KCNMB2: variants seen among roughly 807,000 people sequenced by gnomAD.
KCNMB2 encodes the protein potassium calcium-activated channel subfamily M regulatory beta subunit 2, also known as calcium-activated potassium channel subunit beta-2.
A neutral mutation model predicts 24.5 loss-of-function variants in KCNMB2; 9 were observed. The observed-to-expected ratio is 0.37, with a 90% CI of 0.22 to 0.64. KCNMB2 has a LOEUF of 0.64. Among genes scored for constraint, KCNMB2 ranks in the 30% least tolerant of loss-of-function variants. KCNMB2 has a pLI of 0.63. For synonymous variants in KCNMB2, 109 were observed against 104.4 expected (o/e 1.04, Z -0.27); for missense variants, 226 against 284.3 (o/e 0.79, Z 1.47).
At chr3:178,546,164 T>G (rs1033666231) in intron 1 of KCNMB2, among the ~76,000 whole-genome samples, 1 of 152,196 alleles carries the variant, frequency 6.6e-6, no homozygotes, top group Non-Finnish European at 1.5e-5. Context: ...AGAAAATTTT[T>G]GTAGATATAG....
At position 178,757,723 on chromosome 3, in the gene KCNMB2, T is replaced by C. The variant is rs1484470420; in HGVS notation, c.-67-49620T>C. On this transcript the variant is annotated intron_variant, in intron 1 of 4. Coordinates refer to ENST00000452583, the MANE Select transcript of KCNMB2 (RefSeq NM_181361.3). ...ATATCCAAGAGGATATATATATGTA[T>C]ATATATCCAAGAGGATATATATATA... 4.1e-4 allele frequency among the ~76,000 whole-genome samples: 33 copies of C among 80,510 alleles called. 3 individuals are homozygous for C. In the East Asian group the frequency reaches 4.6e-3, roughly 11 times the overall value. 52.8% of individuals were successfully genotyped at this position (80,510 alleles called of 152,430 possible). A position where few individuals can be genotyped will look rare whatever the true frequency, so the allele number is the denominator to read the frequency against.
At chr3:178,592,642 G>A (rs1382962250) in intron 1 of KCNMB2, among the ~76,000 whole-genome samples, 1 of 152,100 alleles carries the variant, frequency 6.6e-6, no homozygotes, top group African/African-American at 2.4e-5. Flanking sequence ...CCTGTAATCT[G>A]GGTTATACTA....
intron 1 of KCNMB2, among the ~76,000 whole-genome samples, chr3:178,625,971 A>T (rs1719102478): frequency 6.6e-6 from 1 of 152,232 alleles, no homozygotes; most frequent in African/African-American, 2.4e-5. Flanking sequence ...ATACAGTGAA[A>T]TAGGCCTAAA....
chr3:178,543,936 C>T (rs754192639), intron 1 of KCNMB2, among the ~76,000 whole-genome samples: 2 of 152,130 alleles, frequency 1.3e-5, no homozygotes, highest in Non-Finnish European at 2.9e-5. Context: ...GTCCTTAATA[C>T]ATTATGCTGT....
chr3:178,785,940 A>G (rs969585465), intron 1 of KCNMB2, among the ~76,000 whole-genome samples: 1 of 152,138 alleles, frequency 6.6e-6, no homozygotes, highest in African/African-American at 2.4e-5. Flanking sequence ...CTCATTTTGG[A>G]GACAAGAGTA....
intron 1 of KCNMB2, among the ~76,000 whole-genome samples, chr3:178,587,889 C>A (rs557238554): frequency 7.4e-6 from 1 of 135,570 alleles, no homozygotes; most frequent in East Asian, 2.3e-4. Flanking sequence ...CCCTCCCCCC[C>A]TCCCCCCACC....
At chr3:178,778,302 T>G (rs373221622) in intron 1 of KCNMB2, among the ~76,000 whole-genome samples, 1 of 152,082 alleles carries the variant, frequency 6.6e-6, no homozygotes, top group Non-Finnish European at 1.5e-5. Context: ...ATTCCTACTA[T>G]GTACCAATAA....
At chr3:178,540,131 C>A (rs1447401198) in intron 1 of KCNMB2, among the ~76,000 whole-genome samples, 2 of 152,208 alleles carry the variant, frequency 1.3e-5, no homozygotes, top group Non-Finnish European at 2.9e-5. Context: ...TTTTCTCCAT[C>A]TGTGTAAATG....
chr3:178,564,679 T>A (rs1033235612), intron 1 of KCNMB2, among the ~76,000 whole-genome samples: 2 of 152,178 alleles, frequency 1.3e-5, no homozygotes, highest in Non-Finnish European at 2.9e-5. Context: ...TAGAGCTCAG[T>A]TTAAAAAACT....
chr3:178,779,004 A>G (rs919892199), intron 1 of KCNMB2, among the ~76,000 whole-genome samples: 1 of 152,342 alleles, frequency 6.6e-6, no homozygotes, highest in Non-Finnish European at 1.5e-5. Flanking sequence ...GTGAGGGGAA[A>G]GGATGAAGAA....
At chr3:178,738,273 A>G (rs996423335) in intron 1 of KCNMB2, among the ~76,000 whole-genome samples, 6 of 152,058 alleles carry the variant, frequency 3.9e-5, no homozygotes, top group Non-Finnish European at 7.4e-5. Context: ...TCCCACCCTT[A>G]GTCCCAGCCA....
chr3:178,740,534 C>T (rs1039858559), intron 1 of KCNMB2, among the ~76,000 whole-genome samples: 3 of 152,156 alleles, frequency 2.0e-5, no homozygotes, highest in Non-Finnish European at 2.9e-5. Flanking sequence ...TGTGTTAAAG[C>T]TTACTTATAT....
At chr3:178,655,937 C>T (rs986713856) in intron 1 of KCNMB2, among the ~76,000 whole-genome samples, 1 of 152,082 alleles carries the variant, frequency 6.6e-6, no homozygotes, top group African/African-American at 2.4e-5. Context: ...CTTCTTTTAC[C>T]GGGGATGGAA....
intron 1 of KCNMB2, among the ~76,000 whole-genome samples, chr3:178,621,891 T>C (rs1022742642): frequency 3.9e-5 from 6 of 152,206 alleles, no homozygotes; most frequent in South Asian, 2.1e-4. Flanking sequence ...GTAAGGGAGG[T>C]AATTTGATGT....
At position 178,550,436 on chromosome 3, in the gene KCNMB2, C is replaced by T. The variant is rs540038368; in HGVS notation, c.-68+13725C>T. Among the ~76,000 whole-genome samples the T allele has an allele frequency of 3.9e-4, 47 of 119,390 alleles. No homozygotes were observed. In the East Asian group the frequency reaches 6.4e-3, roughly 16 times the overall value. The allele number at this position is 119,390 out of a possible 152,430, so 78.3% of individuals were successfully genotyped here. Reference sequence around the variant, plus strand: ...TAGCGCCACTGCACTCCAGCCTGGGCGACAGAGCGAGACTCCGTCTCAAAA... The same window carrying T: ...TAGCGCCACTGCACTCCAGCCTGGGTGACAGAGCGAGACTCCGTCTCAAAA... On this transcript the variant is annotated intron_variant, in intron 1 of 4. Coordinates refer to ENST00000452583, the MANE Select transcript of KCNMB2 (RefSeq NM_181361.3).
intron 1 of KCNMB2, among the ~76,000 whole-genome samples, chr3:178,693,863 C>A (rs991196728): frequency 6.7e-6 from 1 of 149,770 alleles, no homozygotes; most frequent in Non-Finnish European, 1.5e-5. Context: ...AGCTGTGAAT[C>A]CATCTGGTCC....
chr3:178,624,375 A>C (rs879939265), intron 1 of KCNMB2, among the ~76,000 whole-genome samples: 4 of 151,988 alleles, frequency 2.6e-5, no homozygotes, highest in Admixed American at 6.6e-5. Flanking sequence ...TGTAGCTGCA[A>C]AATATCTGTA....
chr3:178,567,717 G>C (rs1716578096), intron 1 of KCNMB2, among the ~76,000 whole-genome samples: 1 of 152,194 alleles, frequency 6.6e-6, no homozygotes, highest in South Asian at 2.1e-4. Flanking sequence ...TTTGTAGCCA[G>C]AGAGAGCATC....
At chr3:178,835,181 A>G (rs566504116) in intron 4 of KCNMB2, among the ~76,000 whole-genome samples, 2 of 151,976 alleles carry the variant, frequency 1.3e-5, no homozygotes, top group African/African-American at 4.8e-5. Flanking sequence ...GTGGGCAAAT[A>G]CAGGAAAGGA....
Sources: allele counts gnomAD v4.1 joint callset (sites outside exome capture counted in the v4.1 genomes callset), GRCh38; gene constraint gnomAD v4.1.1; transcripts MANE v1.5; gene names NCBI Gene and HGNC (gene_info 2026-07-23, HGNC 2026-07-21).